Variants in PPFIBP2 observed in about 807,000 individuals in gnomAD.
The protein encoded by PPFIBP2 is PPFIB scaffold protein 2, also known as liprin-beta-2.
Under a neutral mutation model 118.3 loss-of-function variants are expected in PPFIBP2, and 118 were observed. The ratio of observed to expected loss-of-function variants is 1.00; its 90% CI spans 0.86 to 1.16. PPFIBP2 has a LOEUF of 1.16. PPFIBP2 is among the 50% of genes most tolerant of loss of function. The probability of loss-of-function intolerance (pLI) is 0.00; values close to 1 mark genes in which losing one functional copy is unlikely to be tolerated. For missense variants in PPFIBP2, 1,195 were observed against 1,073.1 expected, an observed-to-expected ratio of 1.11 and a Z score of -1.59; for synonymous variants, 414 against 397.4, an observed-to-expected ratio of 1.04 and a Z score of -0.50.
chr11:7,537,614 A>G (rs1044717637), intron 1 of PPFIBP2, among the ~76,000 whole-genome samples: 30 of 152,296 alleles, frequency 2.0e-4, no homozygotes, highest in African/African-American at 7.2e-4. Flanking sequence ...AGCGGTTCAG[A>G]AGGAAGGGAA....
At chr11:7,542,287 T>C (rs1851870004) in intron 1 of PPFIBP2, among the ~76,000 whole-genome samples, 1 of 152,250 alleles carries the variant, frequency 6.6e-6, no homozygotes, top group Non-Finnish European at 1.5e-5. Flanking sequence ...AGCAAATAGC[T>C]AACAGTTATC....
At position 7,651,818 on chromosome 11, in the gene PPFIBP2, C is replaced by A. The variant is rs77975665; in HGVS notation, c.2410C>A (p.Pro804Thr). Residue 804 changes from proline to threonine, a missense_variant, in exon 23 of 24, where the codon CCA becomes ACA. Pro to Thr is a conservative substitution (Grantham distance 38, BLOSUM62 -1). Coordinates refer to ENST00000299492, the MANE Select transcript of PPFIBP2 (RefSeq NM_003621.5). ...GAAAATGGCCTCACCAGCTTACACA[C>A]CACTGACCACCACAGCCAAAGTCCG... is the stretch of plus-strand genomic sequence containing the variant. ...REKMASPAYT[P>T]LTTTAKVRPR... The A allele has an allele frequency of 3.3e-5, 53 of 1,611,988 alleles. No homozygotes were observed. Among genetic ancestry groups the A allele is most frequent in the Admixed American group, 2.8e-4 (17 of 59,990 alleles).
intron 1 of PPFIBP2, among the ~76,000 whole-genome samples, chr11:7,546,169 A>G (rs999498919): frequency 7.9e-5 from 12 of 152,184 alleles, no homozygotes; most frequent in Admixed American, 2.6e-4. Context: ...GTCAGAAACT[A>G]CACATCAGCT....
chr11:7,610,695 T>G (rs991018083), intron 6 of PPFIBP2, among the ~76,000 whole-genome samples: 5 of 152,166 alleles, frequency 3.3e-5, no homozygotes, highest in African/African-American at 1.2e-4. Context: ...TGGGGAAGAA[T>G]AAGACAAAAT....
At chr11:7,665,894 T>G in the PPFIBP2 span, 1 of 1,536,154 alleles carries the variant, frequency 6.5e-7, no homozygotes. Context: ...TTAGTGGAAC[T>G]GCGCAGAATT....
intron 2 of PPFIBP2, among the ~76,000 whole-genome samples, chr11:7,554,887 C>A (rs1270669677): frequency 1.3e-5 from 2 of 151,664 alleles, no homozygotes; most frequent in Non-Finnish European, 2.9e-5. Flanking sequence ...CTGTTAAAGA[C>A]TCTAGGATCT....
chr11:7,535,764 C>T (rs1173812967), intron 1 of PPFIBP2, among the ~76,000 whole-genome samples: 2 of 152,156 alleles, frequency 1.3e-5, no homozygotes, highest in East Asian at 3.9e-4. Context: ...GGAGGTTCTC[C>T]AGTGCCCTGG....
At chr11:7,666,234 G>A in the PPFIBP2 span, 1 of 594,078 alleles carries the variant, frequency 1.7e-6, no homozygotes. Context: ...TGCTGCTGAT[G>A]TATTAGACAC....
intron 3 of PPFIBP2, among the ~76,000 whole-genome samples, chr11:7,580,855 C>G (rs150135784): frequency 2.6e-5 from 4 of 152,176 alleles, no homozygotes; most frequent in Non-Finnish European, 5.9e-5. Context: ...CTATTAACTG[C>G]TATTGGTGAT....
At chr11:7,592,895 G>A (rs1168599282) in intron 3 of PPFIBP2, among the ~76,000 whole-genome samples, 3 of 152,206 alleles carry the variant, frequency 2.0e-5, no homozygotes, top group African/African-American at 7.2e-5. Context: ...GGCCAGGAGT[G>A]AGGTCATCCA....
intron 3 of PPFIBP2, chr11:7,571,894 A>T (rs1279589065): frequency 2.0e-5 from 3 of 152,250 alleles, no homozygotes; most frequent in Admixed American, 1.3e-4. Flanking sequence ...ATCCCAAAGA[A>T]TGAGGTCAGC....
downstream of PPFIBP2, chr11:7,657,203 T>C (rs1006394095): frequency 4.6e-6 from 1 of 217,862 alleles, no homozygotes; most frequent in African/African-American, 2.3e-5. Context: ...AAAAACTGTT[T>C]TGAATGTTCT....
chr11:7,560,849 T>A (rs1854224274), intron 2 of PPFIBP2, among the ~76,000 whole-genome samples: 1 of 152,256 alleles, frequency 6.6e-6, no homozygotes, highest in South Asian at 2.1e-4. Flanking sequence ...AGGTGAAAAT[T>A]GAATATCATT....
chr11:7,646,412 G>A lies in PPFIBP2; in HGVS notation c.1647-1975G>A, dbSNP rs1296297728. 2.0e-5 allele frequency among the ~76,000 whole-genome samples: 3 copies of A among 152,200 alleles called. No homozygotes were observed. The East Asian group carries it at 5.8e-4, about 29-fold the overall frequency. ...GACAATACCAGTTATAAATTGTGAA[G>A]ATAAAACTTCTTAACTATTGTCATA... On this transcript the variant is annotated intron_variant, in intron 17 of 23. Coordinates refer to ENST00000299492, the MANE Select transcript of PPFIBP2 (RefSeq NM_003621.5).
intron 14 of PPFIBP2, among the ~76,000 whole-genome samples, chr11:7,639,269 G>A (rs1851823496): frequency 6.6e-6 from 1 of 152,150 alleles, no homozygotes; most frequent in African/African-American, 2.4e-5. Context: ...GCCCAGACCA[G>A]ACTGAGCTCA....
At chr11:7,648,672 T>G (rs1220371241) in intron 18 of PPFIBP2, 128 bp from the exon 19 acceptor site, 27 of 1,460,128 alleles carry the variant, frequency 1.8e-5, no homozygotes, top group Non-Finnish European at 2.3e-5. Flanking sequence ...TAGCTGCAGG[T>G]TGGCATCCCA....
intron 4 of PPFIBP2, chr11:7,597,172 C>T (rs1490721687): frequency 4.8e-6 from 7 of 1,462,824 alleles, no homozygotes; most frequent in Non-Finnish European, 6.3e-6. Flanking sequence ...GTTTGGACCG[C>T]TCTTCCACAC....
chr11:7,532,877 A>T (rs1850851890), intron 1 of PPFIBP2, among the ~76,000 whole-genome samples: 2 of 152,252 alleles, frequency 1.3e-5, no homozygotes, highest in African/African-American at 4.8e-5. Flanking sequence ...ATTACAGAAT[A>T]CATTTTGATT....
At chr11:7,537,639 G>T (rs537223608) in intron 1 of PPFIBP2, among the ~76,000 whole-genome samples, 1 of 152,064 alleles carries the variant, frequency 6.6e-6, no homozygotes, top group African/African-American at 2.4e-5. Context: ...CCTCCTCTCC[G>T]AAAGTTCTCT....
Sources: gnomAD v4.1 joint callset for allele counts (sites outside exome capture counted in the v4.1 genomes callset) on GRCh38, gnomAD v4.1.1 for gene constraint, MANE v1.5 for transcripts, NCBI Gene and HGNC (gene_info 2026-07-23, HGNC 2026-07-21) for gene names.